The following MPP3 variants were observed in gnomAD, a reference collection of about 807,000 sequenced individuals.
The protein encoded by MPP3 is MAGUK p55 scaffold protein 3.
Under a neutral mutation model 80.7 loss-of-function variants are expected in MPP3, and 48 were observed. The observed-to-expected ratio is 0.59, with a 90% CI of 0.47 to 0.76. MPP3 has a LOEUF of 0.76. Among genes scored for constraint, MPP3 ranks in the 30% least tolerant of loss-of-function variants. MPP3 has a pLI of 0.00. For missense variants in MPP3, 620 were observed against 763.0 expected (o/e 0.81, Z 2.21); for synonymous variants, 311 against 297.6 (o/e 1.04, Z -0.46).
chr17:43,826,454 A>C lies in MPP3; in HGVS notation c.524-613T>G, dbSNP rs574904970. Among the ~76,000 whole-genome samples, 10 of 152,344 alleles carry C rather than the reference A, an allele frequency of 6.6e-5. No individual in the cohort carries two copies. In the South Asian group the frequency reaches 2.1e-3, roughly 32 times the overall value. On this transcript the variant is annotated intron_variant, in intron 8 of 19. Transcript: ENST00000398389. Reference sequence around the variant, plus strand: ...CTGCTGAATCAGTCTGCATTTTAACAAGATGCTCAGGGAATTCGTGGACTC... The same window carrying C: ...CTGCTGAATCAGTCTGCATTTTAACCAGATGCTCAGGGAATTCGTGGACTC...
At chr17:43,810,237 C>T (rs553607388) in intron 18 of MPP3, among the ~76,000 whole-genome samples, 16 of 152,114 alleles carry the variant, frequency 1.1e-4, no homozygotes, top group Non-Finnish European at 2.1e-4. Flanking sequence ...GGAAGTTTTT[C>T]TAAAAGACAA....
Position 43,811,099 on chromosome 17 carries a change from T to C in MPP3, c.1349+13A>G. On this transcript the variant is annotated intron_variant, in intron 17 of 19. Coordinates refer to ENST00000398389, the MANE Select transcript of MPP3 (RefSeq NM_001932.6). ...ACTGCCTGGAGGGCCAACTGGCCCA[T>C]CAAGCAACGTACTTGTTGTGATGTA... 6.2e-7 allele frequency: 1 copy of C among 1,610,192 alleles called. No individual in the cohort carries two copies. Among genetic ancestry groups the C allele is most frequent in the Non-Finnish European group, 8.5e-7 (1 of 1,176,370 alleles).
intron 14 of MPP3, among the ~76,000 whole-genome samples, chr17:43,814,892 A>G (rs1269969476): frequency 6.6e-6 from 1 of 152,250 alleles, no homozygotes; most frequent in Non-Finnish European, 1.5e-5. Flanking sequence ...TAAGTCTCAT[A>G]TGACTCAGGA....
At chr17:43,832,490 T>C (rs1370723278) in intron 2 of MPP3, among the ~76,000 whole-genome samples, 1 of 151,358 alleles carries the variant, frequency 6.6e-6, no homozygotes. Flanking sequence ...CAGACTGGAG[T>C]GCAGAGAGGA....
intron 5 of MPP3, 34 bp downstream of exon 5, chr17:43,831,210 G>A (rs1392284173): frequency 6.2e-7 from 1 of 1,603,822 alleles, no homozygotes; most frequent in Admixed American, 1.7e-5. Context: ...GTGGGGAGTG[G>A]GGCAGACACT....
chr17:43,809,577 A>C (rs1304974290), intron 18 of MPP3, among the ~76,000 whole-genome samples: 3 of 152,122 alleles, frequency 2.0e-5, no homozygotes, highest in East Asian at 1.9e-4. Context: ...AAAACTGTAG[A>C]CTGTAGAAAC....
Position 43,818,054 on chromosome 17 carries a change from T to C in MPP3, c.938A>G (p.Lys313Arg). 6.3e-7 allele frequency: 1 copy of C among 1,583,328 alleles called. No homozygotes were observed. Among genetic ancestry groups the C allele is most frequent in the Non-Finnish European group, 8.6e-7 (1 of 1,164,304 alleles). The change falls in exon 12 of 20, where the codon AAG becomes AGG. Residue 313 changes from lysine (K) to arginine (R), a missense_variant. Lys to Arg is a conservative substitution (Grantham distance 26, BLOSUM62 2). Transcript: ENST00000398389. ...CCTGACAATCTACTCACAGGGGGGC[T>C]TCCTGAGGCTCTGGGGGCTCGGCAG... ...GTLPSPQSLR[K>R]PPYDQPCDKE... is the part of the protein sequence containing the mutation.
chr17:43,831,536 C>T (rs377615731), intron 4 of MPP3, 23 bp downstream of exon 4: 9 of 1,556,116 alleles, frequency 5.8e-6, no homozygotes, highest in Middle Eastern at 1.7e-4. Context: ...CACCCTTCCA[C>T]GCAGGATGAC....
intron 11 of MPP3, among the ~76,000 whole-genome samples, chr17:43,819,984 A>T (rs2045341438): frequency 6.6e-6 from 1 of 151,786 alleles, no homozygotes; most frequent in Non-Finnish European, 1.5e-5. Flanking sequence ...TCTCACTCTT[A>T]CTCAGGCTGG....
At chr17:43,822,402 T>C (rs1226549421) in intron 10 of MPP3, among the ~76,000 whole-genome samples, 2 of 152,130 alleles carry the variant, frequency 1.3e-5, no homozygotes, top group Non-Finnish European at 2.9e-5. Flanking sequence ...AAAACTGGCA[T>C]GCTTCCTTCC....
At chr17:43,818,357 C>T (rs1466417782) in intron 11 of MPP3, among the ~76,000 whole-genome samples, 1 of 152,180 alleles carries the variant, frequency 6.6e-6, no homozygotes, top group Non-Finnish European at 1.5e-5. Context: ...CTCAAGATGG[C>T]CACACAGGAT....
chr17:43,825,871 C>G lies in MPP3; in HGVS notation c.524-30G>C, dbSNP rs1358971527. The G allele has an allele frequency of 6.4e-6, 9 of 1,416,840 alleles. No homozygotes were observed. The Admixed American group carries it at 1.5e-4, about 24-fold the overall frequency. The allele number at this position is 1,416,840 out of a possible 1,614,324, so 87.8% of individuals were successfully genotyped here. A position where few individuals can be genotyped will look rare whatever the true frequency, so the allele number is the denominator to read the frequency against. ...GAGACACAGGGACTGACCATCAGCA[C>G]AGGAGGAGGACCTGAGCACCCCTCG... is the stretch of plus-strand genomic sequence containing the variant. On this transcript the variant is annotated intron_variant, in intron 8 of 19. Transcript: ENST00000398389.
At chr17:43,810,404 A>G (rs775924752) in intron 18 of MPP3, among the ~76,000 whole-genome samples, 5 of 152,024 alleles carry the variant, frequency 3.3e-5, no homozygotes, top group Non-Finnish European at 5.9e-5. Flanking sequence ...TCTCTAAGCC[A>G]CTGACTCCAC....
rs758055304 is a variant in MPP3 at position 43,801,673 on chromosome 17, C to T, written c.*28G>A. 11 of 1,608,240 alleles carry T rather than the reference C, an allele frequency of 6.8e-6. No individual in the cohort carries two copies. The East Asian group carries it at 2.0e-4, about 29-fold the overall frequency. ...CTGGACTAGATGATCTTCAAGGTCCCGTCCAGCTTGGATGTTCTGGGATAA... is the reference window on the plus strand; with the variant it reads ...CTGGACTAGATGATCTTCAAGGTCCTGTCCAGCTTGGATGTTCTGGGATAA... On this transcript the variant is annotated 3_prime_UTR_variant, in exon 20 of 20. Transcript: ENST00000398389.
intron 19 of MPP3, 69 bp downstream of exon 19, chr17:43,808,887 C>T: frequency 6.6e-7 from 1 of 1,525,572 alleles, no homozygotes; most frequent in South Asian, 1.3e-5. Flanking sequence ...CACCCTTATG[C>T]AGCTAGAAGC....
At chr17:43,832,074 T>C (rs1320335792) in intron 2 of MPP3, 131 bp from the exon 3 acceptor site, 1 of 675,870 alleles carries the variant, frequency 1.5e-6, no homozygotes, top group African/African-American at 1.8e-5. Context: ...TAACTCTGCT[T>C]ACTTTTTTCA....
At chr17:43,825,545 C>A in intron 9 of MPP3, 1 of 544,902 alleles carries the variant, frequency 1.8e-6, no homozygotes, top group Non-Finnish European at 3.3e-6. Flanking sequence ...AGGAGAAGGT[C>A]TAAGAGAGGC....
intron 8 of MPP3, 69 bp downstream of exon 8, chr17:43,827,682 C>T: frequency 6.7e-7 from 1 of 1,488,346 alleles, no homozygotes; most frequent in Non-Finnish European, 9.3e-7. Context: ...GACCTATTAG[C>T]AAAGGTGGAG....
intron 14 of MPP3, chr17:43,815,623 A>T: frequency 6.4e-6 from 2 of 312,174 alleles, no homozygotes; most frequent in Non-Finnish European, 1.2e-5. Flanking sequence ...TAACCAAAAA[A>T]CAAAAAAAAC....
Sources: gnomAD v4.1 joint callset for allele counts (sites outside exome capture counted in the v4.1 genomes callset) on GRCh38, gnomAD v4.1.1 for gene constraint, MANE v1.5 for transcripts, NCBI Gene and HGNC (gene_info 2026-07-23, HGNC 2026-07-21) for gene names.